The following DNER variants were observed in gnomAD, a reference collection of about 807,000 sequenced individuals.
DNER encodes the protein delta/notch like EGF repeat containing, also known as delta and Notch-like epidermal growth factor-related receptor.
In DNER, 33 loss-of-function variants were observed where a neutral mutation model predicts 78.2. That is an observed-to-expected ratio of 0.42 (90% CI 0.32 to 0.56). The LOEUF is 0.56. DNER is among the 20% of genes least tolerant of loss of function. The pLI is 0.11. For missense variants in DNER, 918 were observed against 975.3 expected, an observed-to-expected ratio of 0.94 and a Z score of 0.78; for synonymous variants, 417 against 384.8, an observed-to-expected ratio of 1.08 and a Z score of -0.98.
intron 10 of DNER, among the ~76,000 whole-genome samples, chr2:229,402,750 T>A (rs1693295092): frequency 6.6e-6 from 1 of 152,212 alleles, no homozygotes; most frequent in Non-Finnish European, 1.5e-5. Context: ...TAATGTTGCA[T>A]CAGGGTATCT....
At chr2:229,505,284 T>C (rs1366521658) in intron 6 of DNER, among the ~76,000 whole-genome samples, 1 of 150,402 alleles carries the variant, frequency 6.6e-6, no homozygotes, top group Non-Finnish European at 1.5e-5. Flanking sequence ...CCTATGGGAA[T>C]GGGGGTTCCT....
chr2:229,396,706 T>C (rs1285087672), intron 10 of DNER, among the ~76,000 whole-genome samples: 2 of 152,242 alleles, frequency 1.3e-5, no homozygotes, highest in South Asian at 2.1e-4. Flanking sequence ...GTAATTGTTA[T>C]CTGTCATAGC....
At chr2:229,697,921 G>T (rs773260073) in intron 1 of DNER, among the ~76,000 whole-genome samples, 5 of 152,186 alleles carry the variant, frequency 3.3e-5, no homozygotes, top group Non-Finnish European at 5.9e-5. Context: ...TGGGCACATT[G>T]GTTCACGCCT....
intron 5 of DNER, among the ~76,000 whole-genome samples, chr2:229,535,914 G>T (rs1696394829): frequency 6.6e-6 from 1 of 152,172 alleles, no homozygotes; most frequent in Admixed American, 6.5e-5. Context: ...AAAGTGCTGG[G>T]ATTACAGGCG....
chr2:229,543,704 C>T (rs959938361), intron 5 of DNER, among the ~76,000 whole-genome samples: 2 of 152,188 alleles, frequency 1.3e-5, no homozygotes, highest in Non-Finnish European at 2.9e-5. Flanking sequence ...CCACCCCCTG[C>T]CAGTGGCTTT....
At chr2:229,536,437 C>T (rs556283095) in intron 5 of DNER, among the ~76,000 whole-genome samples, 1 of 152,288 alleles carries the variant, frequency 6.6e-6, no homozygotes, top group East Asian at 1.9e-4. Flanking sequence ...TGGAAGAGAT[C>T]CCTCTTTGGG....
chr2:229,530,925 T>C (rs1696289334), intron 5 of DNER, among the ~76,000 whole-genome samples: 2 of 152,162 alleles, frequency 1.3e-5, no homozygotes, highest in Admixed American at 6.5e-5. Context: ...GAAAAAGCAA[T>C]CTAAAGGAAG....
intron 1 of DNER, among the ~76,000 whole-genome samples, chr2:229,597,510 G>C (rs2154214814): frequency 6.6e-6 from 1 of 152,260 alleles, no homozygotes; most frequent in East Asian, 1.9e-4. Context: ...CTATAAGCAG[G>C]TAATAACCAA....
chr2:229,695,168 C>T (rs1699643049), intron 1 of DNER, among the ~76,000 whole-genome samples: 1 of 152,152 alleles, frequency 6.6e-6, no homozygotes, highest in African/African-American at 2.4e-5. Context: ...GAGGCCTCCC[C>T]AGCCATGCTG....
chr2:229,418,779 G>A (rs1385882616), intron 8 of DNER, among the ~76,000 whole-genome samples: 1 of 152,046 alleles, frequency 6.6e-6, no homozygotes, highest in African/African-American at 2.4e-5. Flanking sequence ...AAATTAGCCA[G>A]GCGTGGTGGC....
intron 4 of DNER, among the ~76,000 whole-genome samples, chr2:229,580,992 G>GT (rs1257756121): frequency 6.6e-6 from 1 of 152,168 alleles, no homozygotes; most frequent in Non-Finnish European, 1.5e-5. Flanking sequence ...GTGGGAGAGG[G>GT]TTGCACCCCC....
chr2:229,665,047 C>T (rs1197472169), intron 1 of DNER, among the ~76,000 whole-genome samples: 1 of 152,072 alleles, frequency 6.6e-6, no homozygotes, highest in African/African-American at 2.4e-5. Context: ...TACTAAGAAC[C>T]AGTTTATCAG....
intron 5 of DNER, among the ~76,000 whole-genome samples, chr2:229,530,386 G>A (rs1696280273): frequency 6.6e-6 from 1 of 152,190 alleles, no homozygotes; most frequent in African/African-American, 2.4e-5. Context: ...CAGATTCCCA[G>A]GAAGACTGTT....
chr2:229,626,312 C>T (rs959580244), intron 1 of DNER, among the ~76,000 whole-genome samples: 1 of 152,182 alleles, frequency 6.6e-6, no homozygotes. Flanking sequence ...GAACGCAATC[C>T]GCTGTTCAAA....
At chr2:229,377,559 G>T (rs898309968) in intron 11 of DNER, among the ~76,000 whole-genome samples, 1 of 152,162 alleles carries the variant, frequency 6.6e-6, no homozygotes, top group Non-Finnish European at 1.5e-5. Flanking sequence ...AGAACTGTGG[G>T]TTTTCATTTG....
chr2:229,382,485 G>A (rs1692765911), intron 11 of DNER, among the ~76,000 whole-genome samples: 1 of 152,034 alleles, frequency 6.6e-6, no homozygotes, highest in South Asian at 2.1e-4. Context: ...AAAGAAGCAT[G>A]TTCTAACCCA....
rs545906010 is a variant in DNER at position 229,519,793 on chromosome 2, T to C, written c.994-6857A>G. On this transcript the variant is annotated intron_variant, in intron 5 of 12. Coordinates refer to ENST00000341772, the MANE Select transcript of DNER (RefSeq NM_139072.4). The stretch of plus-strand genomic sequence containing the variant: ...GACAACTCTCAAATAACCCCGGCAA[T>C]GGTGGCATTTTAGTTCTCACTCCAG... 5.9e-5 allele frequency among the ~76,000 whole-genome samples: 9 copies of C among 152,176 alleles called. No individual in the cohort carries two copies. The South Asian group carries it at 1.9e-3, about 32-fold the overall frequency.
intron 5 of DNER, among the ~76,000 whole-genome samples, chr2:229,514,989 A>G (rs1695940772): frequency 6.6e-6 from 1 of 152,230 alleles, no homozygotes; most frequent in South Asian, 2.1e-4. Context: ...ACATTCTTCA[A>G]TGATATCTTA....
chr2:229,671,415 A>G (rs573293648), intron 1 of DNER, among the ~76,000 whole-genome samples: 2 of 152,266 alleles, frequency 1.3e-5, no homozygotes, highest in Non-Finnish European at 2.9e-5. Flanking sequence ...CTCCTATCCA[A>G]TGTAACCAGC....
Sources: allele counts gnomAD v4.1 joint callset (sites outside exome capture counted in the v4.1 genomes callset), GRCh38; gene constraint gnomAD v4.1.1; transcripts MANE v1.5; gene names NCBI Gene and HGNC (gene_info 2026-07-23, HGNC 2026-07-21).